Variants in GRID2 observed in about 807,000 individuals in gnomAD.
GRID2 encodes the protein glutamate receptor ionotropic, delta-2.
GRID2 carries 33 observed loss-of-function variants against 114.8 expected under a neutral mutation model. The ratio of observed to expected loss-of-function variants is 0.29; its 90% CI spans 0.22 to 0.38. The LOEUF (loss-of-function observed/expected upper bound fraction) is 0.38. Among genes scored for constraint, GRID2 ranks in the 10% least tolerant of loss-of-function variants. The pLI is 1.00. For missense variants in GRID2, 1,184 were observed against 1,257.7 expected, an observed-to-expected ratio of 0.94 and a Z score of 0.89; for synonymous variants, 505 against 449.9, an observed-to-expected ratio of 1.12 and a Z score of -1.55.
intron 1 of GRID2, among the ~76,000 whole-genome samples, chr4:92,320,270 T>C (rs780123518): frequency 2.0e-5 from 3 of 152,128 alleles, no homozygotes; most frequent in Non-Finnish European, 4.4e-5. Flanking sequence ...AAGGAAACAG[T>C]GTTTTTCTAG....
chr4:93,424,164 C>T lies in GRID2; in HGVS notation c.1545+1196C>T, dbSNP rs1302453443. On this transcript the variant is annotated intron_variant, in intron 10 of 15. Transcript: ENST00000282020. Reference sequence around the variant, plus strand: ...ATATTTATATTTTATTAACCTCATACCAAATATCATAGTTTTTTATTTAAA... The same window carrying T: ...ATATTTATATTTTATTAACCTCATATCAAATATCATAGTTTTTTATTTAAA... Among the ~76,000 whole-genome samples the T allele has an allele frequency of 4.0e-5, 6 of 151,660 alleles. No homozygotes were observed. In the East Asian group the frequency reaches 1.2e-3, roughly 29 times the overall value.
At chr4:92,703,260 T>C (rs1734771072) in intron 2 of GRID2, among the ~76,000 whole-genome samples, 1 of 152,150 alleles carries the variant, frequency 6.6e-6, no homozygotes. Context: ...CCTGTGACAA[T>C]GACATGGAGC....
intron 2 of GRID2, among the ~76,000 whole-genome samples, chr4:92,891,204 G>A (rs941343800): frequency 1.2e-4 from 18 of 152,122 alleles, no homozygotes; most frequent in African/African-American, 4.1e-4. Flanking sequence ...ATAATGGCAC[G>A]TGTATACCTA....
At chr4:92,744,378 C>T (rs1469532913) in intron 2 of GRID2, among the ~76,000 whole-genome samples, 1 of 151,666 alleles carries the variant, frequency 6.6e-6, no homozygotes, top group Non-Finnish European at 1.5e-5. Context: ...ATCCTAGCTA[C>T]TCGGGAGACT....
chr4:93,368,573 G>A (rs1162569182), intron 8 of GRID2, among the ~76,000 whole-genome samples: 1 of 152,028 alleles, frequency 6.6e-6, no homozygotes, highest in East Asian at 1.9e-4. Flanking sequence ...CCCCACAACA[G>A]GCCCCGGTGT....
At chr4:93,690,218 G>A (rs1726433943) in intron 14 of GRID2, among the ~76,000 whole-genome samples, 1 of 152,072 alleles carries the variant, frequency 6.6e-6, no homozygotes, top group East Asian at 1.9e-4. Flanking sequence ...AAACAACCTT[G>A]TGGGGGTACA....
rs1371836280 is a variant in GRID2, at chr4:93,214,896, A to G, written c.790-1842A>G. On this transcript the variant is annotated intron_variant, in intron 5 of 15. Transcript: ENST00000282020. ...AATATTAATCTAAATAATTCCTGTA[A>G]GGAAATATGGGCATGTATAACTTCT... Among the ~76,000 whole-genome samples the G allele has an allele frequency of 2.6e-5, 4 of 152,146 alleles. No homozygotes were observed. In the East Asian group the frequency reaches 5.8e-4, roughly 22 times the overall value.
intron 1 of GRID2, among the ~76,000 whole-genome samples, chr4:92,423,729 A>G (rs1041068667): frequency 1.3e-5 from 2 of 152,112 alleles, no homozygotes; most frequent in East Asian, 3.9e-4. Flanking sequence ...AATAAAATGC[A>G]AACAGAGGGT....
intron 1 of GRID2, among the ~76,000 whole-genome samples, chr4:92,309,961 G>A (rs1725609851): frequency 6.6e-6 from 1 of 151,718 alleles, no homozygotes; most frequent in Non-Finnish European, 1.5e-5. Context: ...CAAACTGATT[G>A]TTGTTTTTGA....
At chr4:92,759,377 AT>A (rs780659282) in intron 2 of GRID2, among the ~76,000 whole-genome samples, 3 of 151,294 alleles carry the variant, frequency 2.0e-5, no homozygotes, top group South Asian at 2.1e-4. Flanking sequence ...ATACTTTCTA[AT>A]TTTTTTTTAC....
At chr4:93,433,923 G>GT (rs1335278356) in intron 10 of GRID2, among the ~76,000 whole-genome samples, 7 of 152,202 alleles carry the variant, frequency 4.6e-5, no homozygotes, top group South Asian at 4.1e-4. Context: ...AGAATCTAGC[G>GT]TAAGTCCCTT....
intron 8 of GRID2, among the ~76,000 whole-genome samples, chr4:93,359,396 C>T (rs1273455871): frequency 6.6e-6 from 1 of 151,786 alleles, no homozygotes; most frequent in Non-Finnish European, 1.5e-5. Context: ...ATGGGATATC[C>T]TTTCCCTCAA....
chr4:92,430,205 C>T (rs1342037500), intron 1 of GRID2, among the ~76,000 whole-genome samples: 1 of 152,064 alleles, frequency 6.6e-6, no homozygotes, highest in African/African-American at 2.4e-5. Flanking sequence ...AAAGTTTCCC[C>T]CATGTTTTCT....
At chr4:93,278,448 G>A (rs1239721418) in intron 8 of GRID2, among the ~76,000 whole-genome samples, 5 of 151,776 alleles carry the variant, frequency 3.3e-5, no homozygotes, top group African/African-American at 4.8e-5. Context: ...GGTGCAACAC[G>A]GGGTGGAGGA....
intron 12 of GRID2, among the ~76,000 whole-genome samples, chr4:93,492,127 A>C (rs1289379199): frequency 6.6e-6 from 1 of 151,858 alleles, no homozygotes; most frequent in Non-Finnish European, 1.5e-5. Context: ...TGACCCCATA[A>C]GCATCATACT....
chr4:93,677,407 G>C (rs549028093), intron 14 of GRID2, among the ~76,000 whole-genome samples: 2 of 152,148 alleles, frequency 1.3e-5, no homozygotes, highest in Non-Finnish European at 2.9e-5. Context: ...GTCCCTATCT[G>C]ACAGCTTTGA....
intron 4 of GRID2, among the ~76,000 whole-genome samples, chr4:93,177,454 C>A (rs1175271988): frequency 6.6e-6 from 1 of 152,052 alleles, no homozygotes; most frequent in African/African-American, 2.4e-5. Context: ...GAGGCTTAGC[C>A]TGCTTAAGTT....
At chr4:93,715,147 A>G (rs1191379183) in intron 14 of GRID2, among the ~76,000 whole-genome samples, 2 of 152,130 alleles carry the variant, frequency 1.3e-5, no homozygotes. Flanking sequence ...TTTTCTGCCT[A>G]TGGCTAACCA....
chr4:93,176,632 T>C (rs1739368121), intron 4 of GRID2, among the ~76,000 whole-genome samples: 1 of 152,190 alleles, frequency 6.6e-6, no homozygotes, highest in East Asian at 1.9e-4. Flanking sequence ...TATATTATGA[T>C]GGTAAAATTT....
Sources: gnomAD v4.1 joint callset for allele counts (sites outside exome capture counted in the v4.1 genomes callset) on GRCh38, gnomAD v4.1.1 for gene constraint, MANE v1.5 for transcripts, NCBI Gene and HGNC (gene_info 2026-07-23, HGNC 2026-07-21) for gene names.